The following FLG variants were observed in gnomAD, a reference collection of about 807,000 sequenced individuals.
The protein encoded by FLG is epidermal filaggrin.
Under a neutral mutation model 3.8 loss-of-function variants are expected in FLG, and 6 were observed. The observed-to-expected ratio is 1.60, with a 90% CI of 0.87 to 3.15. The LOEUF is 3.15. FLG is among the 30% of genes most tolerant of loss of function. The probability of loss-of-function intolerance (pLI) is 0.00; values close to 1 mark genes in which losing one functional copy is unlikely to be tolerated. For missense variants in FLG, 7,595 were observed against 5,050.9 expected (o/e 1.50, Z -15.27); for synonymous variants, 2,551 against 1,931.6 (o/e 1.32, Z -8.41).
rs755822219 is a variant in FLG, at chr1:152,311,834, C to G, written c.3052G>C (p.Ala1018Pro). The G allele has an allele frequency of 6.2e-7, 1 of 1,614,118 alleles. No homozygotes were observed. Among genetic ancestry groups the G allele is most frequent in the South Asian group, 1.1e-5 (1 of 91,072 alleles). ...CTTGCCTGTTCATGGGATGACGCAG[C>G]CTGTCCACCAGAGGAAGTCTCTGCG... is the stretch of plus-strand genomic sequence containing the variant. ...PHAETSSGGQ[A>P]ASSHEQARSS... Residue 1018 changes from alanine (A) to proline (P), a missense_variant, in exon 3 of 3, where the codon GCT (alanine) becomes CCT (proline). By Grantham distance (27) the Ala-to-Pro change is conservative. Transcript: ENST00000368799.
chr1:152,312,470 A>G lies in FLG; in HGVS notation c.2416T>C (p.Ser806Pro). 6.2e-7 allele frequency: 1 copy of G among 1,613,254 alleles called. No homozygotes were observed. The highest frequency in any genetic ancestry group is 8.5e-7 in the Non-Finnish European group (1 of 1,179,802). The change falls in exon 3 of 3, where the codon TCC becomes CCC. Residue 806 changes from serine to proline, a missense_variant. Transcript: ENST00000368799. The part of the protein sequence containing the change: ...QVSTHKQSES[S>P]HGWTGPSTGV... The stretch of plus-strand genomic sequence containing the variant: ...GTGCTGGGCCCTGTCCATCCATGGG[A>G]GGACTCAGACTGTTTATGAGTGCTC...
chr1:152,309,211 G>A lies in FLG; in HGVS notation c.5675C>T (p.Ala1892Val). ...CACCTGCGAGTGTCTAGAGCTGTCG[G>A]CCCGAGAGGAAGCTTCATGGTGACG... The part of the protein sequence containing the change: ...GSRHHEASSR[A>V]DSSRHSQVGQ... The change falls in exon 3 of 3, where the codon GCC (alanine) becomes GTC (valine). Residue 1892 changes from alanine to valine, a missense_variant. Coordinates refer to ENST00000368799, the MANE Select transcript of FLG (RefSeq NM_002016.2). 1 of 1,613,578 alleles carries A rather than the reference G, an allele frequency of 6.2e-7. No homozygotes were observed. Among genetic ancestry groups the A allele is most frequent in the Non-Finnish European group, 8.5e-7 (1 of 1,179,908 alleles).
Position 152,302,484 on chromosome 1 carries a change from T to C in FLG, c.*216A>G, listed in dbSNP as rs780375044. On this transcript the variant is annotated 3_prime_UTR_variant, in exon 3 of 3. Transcript: ENST00000368799. ...GTTTTCTAAAGTTAGCTCTCCATGA[T>C]ATTGATTTCTTCCATTTAATATTTC... The C allele has an allele frequency of 1.3e-5, 8 of 612,778 alleles. No individual in the cohort carries two copies. Among genetic ancestry groups the C allele is most frequent in the Non-Finnish European group, 2.2e-5 (8 of 361,634 alleles). 38.0% of individuals were successfully genotyped at this position (612,778 alleles called of 1,614,324 possible). A position where few individuals can be genotyped will look rare whatever the true frequency, so the allele number is the denominator to read the frequency against.
Position 152,314,612 on chromosome 1 carries a change from C to G in FLG, c.274G>C (p.Glu92Gln). The change falls in exon 3 of 3, where the codon GAG becomes CAG. Residue 92 changes from glutamate (E) to glutamine (Q), a missense_variant. Glu to Gln is a conservative substitution (Grantham distance 29). Transcript: ENST00000368799. ...TTGTGTCCTGATATCGGTAAATTCT[C>G]TTTTCTGGTAGACTCATAATATGCT... ...AQAYYESTRK[E>Q]NLPISGHKHR... 5 of 1,613,976 alleles carry G rather than the reference C, an allele frequency of 3.1e-6. No homozygotes were observed. Among genetic ancestry groups the G allele is most frequent in the Non-Finnish European group, 4.2e-6 (5 of 1,179,964 alleles).
rs754930940 is a variant in FLG, at chr1:152,314,541, C to A, written c.345G>T (p.Gln115His). Residue 115 changes from glutamine (Q) to histidine (H), a missense_variant, in exon 3 of 3, where the codon CAG (glutamine) becomes CAT (histidine). Transcript: ENST00000368799. ...SHHDKHEDNK[Q>H]EENKENRKRP... ...TTTTTCTGTTTTCTTTGTTTTCTTC[C>A]TGTTTATTATCTTCATGTTTATCAT... 6.2e-7 allele frequency: 1 copy of A among 1,613,008 alleles called. No homozygotes were observed. Among genetic ancestry groups the A allele is most frequent in the Non-Finnish European group, 8.5e-7 (1 of 1,179,852 alleles).
rs200963639 is a variant in FLG at position 152,307,241 on chromosome 1, C to T, written c.7645G>A (p.Val2549Met). 1.2e-6 allele frequency: 2 copies of T among 1,612,794 alleles called. No homozygotes were observed. Among genetic ancestry groups the T allele is most frequent in the African/African-American group, 1.4e-5 (1 of 73,914 alleles). ...SRADSSGHSQVGQGQSEGPRT... is the reference protein window; with the variant it reads ...SRADSSGHSQMGQGQSEGPRT... ...GGCCCCTCTGATTGTCCCTGGCCCA[C>T]CTGCGAGTGTCCAGAGCTGTCGGCC... is the stretch of plus-strand genomic sequence containing the variant. Residue 2549 changes from valine to methionine, a missense_variant, in exon 3 of 3, where the codon GTG becomes ATG. By Grantham distance (21) the Val-to-Met change is conservative (BLOSUM62 1). Coordinates refer to ENST00000368799, the MANE Select transcript of FLG (RefSeq NM_002016.2).
chr1:152,319,983 G>T (rs996342797), intron 1 of FLG, among the ~76,000 whole-genome samples: 11 of 151,250 alleles, frequency 7.3e-5, no homozygotes, highest in South Asian at 4.1e-4. Context: ...TCCCAGATAA[G>T]GCAGTGAGAA....
chr1:152,313,673 C>A lies in FLG; in HGVS notation c.1213G>T (p.Ala405Ser). 1 of 1,614,048 alleles carries A rather than the reference C, an allele frequency of 6.2e-7. No homozygotes were observed. Among genetic ancestry groups the A allele is most frequent in the Non-Finnish European group, 8.5e-7 (1 of 1,179,996 alleles). The change falls in exon 3 of 3, where the codon GCT becomes TCT. Residue 405 changes from alanine to serine, a missense_variant. Physicochemically the swap from Ala to Ser is moderately conservative, Grantham distance 99. Coordinates refer to ENST00000368799, the MANE Select transcript of FLG (RefSeq NM_002016.2). The part of the protein sequence containing the change: ...SRHSATGRGQ[A>S]SSAVSDRGHR... ...CCACGATCGCTGACTGCAGATGAAG[C>A]TTGCCCGCGCCCAGTGGCTGAGTGT...
Position 152,303,307 on chromosome 1 carries a change from C to G in FLG, c.11579G>C (p.Gly3860Ala). ...SAGSRRSRRQGSSVSQDSDSE... is the reference protein window; with the variant it reads ...SAGSRRSRRQASSVSQDSDSE... Reference sequence around the variant, plus strand: ...GTCACTGTCCTGGCTAACACTGGATCCCTGGCGCCTGCTTCTCCTGGACCC... The same window carrying G: ...GTCACTGTCCTGGCTAACACTGGATGCCTGGCGCCTGCTTCTCCTGGACCC... Residue 3860 changes from glycine to alanine, a missense_variant, in exon 3 of 3, where the codon GGA becomes GCA. Gly to Ala is a moderately conservative substitution (Grantham distance 60). Transcript: ENST00000368799. 1 of 1,614,102 alleles carries G rather than the reference C, an allele frequency of 6.2e-7. No individual in the cohort carries two copies.
In FLG at chr1:152,309,074, C is replaced by T. The variant is rs781083670; in HGVS notation, c.5812G>A (p.Ala1938Thr). The change falls in exon 3 of 3, where the codon GCT (alanine) becomes ACT (threonine). Residue 1938 changes from alanine to threonine, a missense_variant. Physicochemically the swap from Ala to Thr is moderately conservative, Grantham distance 58. Transcript: ENST00000368799. ...SEDSERWSGS[A>T]SRNHLGSAWE... ...GCAGATCCAAGATGGTTTCTGGAAGCAGACCCAGACCACCTCTCAGAGTCT... is the reference window on the plus strand; with the variant it reads ...GCAGATCCAAGATGGTTTCTGGAAGTAGACCCAGACCACCTCTCAGAGTCT... The T allele has an allele frequency of 9.3e-6, 15 of 1,614,066 alleles. No individual in the cohort carries two copies. Among genetic ancestry groups the T allele is most frequent in the African/African-American group, 1.3e-5 (1 of 74,940 alleles).
rs752145557 is a variant in FLG, at chr1:152,311,924, G to C, written c.2962C>G (p.His988Asp). ...CCGTGACCGGCTCTGTCTTCGTGATGGGACCTGGGGTGTCTGGAGCCATGT... is the reference window on the plus strand; with the variant it reads ...CCGTGACCGGCTCTGTCTTCGTGATCGGACCTGGGGTGTCTGGAGCCATGT... The part of the protein sequence containing the change: ...SRHGSRHPRS[H>D]HEDRAGHGHS... The change falls in exon 3 of 3, where the codon CAT (histidine) becomes GAT (aspartate). Residue 988 changes from histidine (H) to aspartate (D), a missense_variant. Transcript: ENST00000368799. 2 of 1,614,146 alleles carry C rather than the reference G, an allele frequency of 1.2e-6. No individual in the cohort carries two copies. Among genetic ancestry groups the C allele is most frequent in the Non-Finnish European group, 1.7e-6 (2 of 1,180,018 alleles).
Position 152,308,350 on chromosome 1 carries a change from G to T in FLG, c.6536C>A (p.Ala2179Asp). Residue 2179 changes from alanine (A) to aspartate (D), a missense_variant, in exon 3 of 3, where the codon GCC (alanine) becomes GAC (aspartate). Transcript: ENST00000368799. The stretch of plus-strand genomic sequence containing the variant: ...TCTGGATCCTGACTGCCCACGGGAG[G>T]CATCAGACCTTCCCTGGGATGTGGT... ...SHTTSQGRSD[A>D]SRGQSGSRSA... 2 of 1,613,462 alleles carry T rather than the reference G, an allele frequency of 1.2e-6. No homozygotes were observed. The highest frequency in any genetic ancestry group is 1.1e-5 in the South Asian group (1 of 91,040).
rs776936174 is a variant in FLG, at chr1:152,313,682, G to A, written c.1204C>T (p.Arg402Cys). 5.6e-6 allele frequency: 9 copies of A among 1,613,766 alleles called. No individual in the cohort carries two copies. The highest frequency in any genetic ancestry group is 2.2e-5 in the East Asian group (1 of 44,840). ...ADSSRHSATG[R>C]GQASSAVSDR... ...CTGACTGCAGATGAAGCTTGCCCGC[G>A]CCCAGTGGCTGAGTGTCTGGAGCTG... Residue 402 changes from arginine to cysteine, a missense_variant, in exon 3 of 3, where the codon CGC becomes TGC. By Grantham distance (180) the Arg-to-Cys change is radical (BLOSUM62 -3). Transcript: ENST00000368799.
rs144122917 is a variant in FLG at position 152,307,524 on chromosome 1, C to A, written c.7362G>T (p.Thr2454=). ...KQARDSSRHS[T]SQEGQDTIHG... ...GAATGGTGTCCTGACCCTCTTGGGA[C>A]GTTGAGTGCCTGGAGCTGTCTCGTG... The change falls in exon 3 of 3, where the codon ACG becomes ACT. Residue 2454 remains threonine (T), a synonymous_variant. Transcript: ENST00000368799. 2.9e-5 allele frequency: 46 copies of A among 1,612,980 alleles called. No homozygotes were observed. Among genetic ancestry groups the A allele is most frequent in the Admixed American group, 1.8e-4 (11 of 59,850 alleles).
In FLG at chr1:152,303,103, T is replaced by G. The variant is rs202149956; in HGVS notation, c.11783A>C (p.His3928Pro). The G allele has an allele frequency of 1.9e-5, 30 of 1,614,072 alleles. 1 individual carries two copies. Among genetic ancestry groups the G allele is most frequent in the Admixed American group, 1.0e-4 (6 of 60,002 alleles). The change falls in exon 3 of 3, where the codon CAT becomes CCT. Residue 3928 changes from histidine (H) to proline (P), a missense_variant. Physicochemically the swap from His to Pro is moderately conservative, Grantham distance 77 (BLOSUM62 -2). Coordinates refer to ENST00000368799, the MANE Select transcript of FLG (RefSeq NM_002016.2). ...VQSDSSTAKE[H>P]GHFSSLSQDS... ...TTGTGAAAGACTACTAAAGTGACCA[T>G]GTTCCTTAGCGGTACTAGAGTCTGA...
At position 152,303,654 on chromosome 1, in the gene FLG, G is replaced by A. The variant is rs757252459; in HGVS notation, c.11232C>T (p.Asp3744=). ...CTTGGGACGCTGAGTGCCTGGAGCT[G>A]TCTCGTGCCTGCTCGTGGCGGGATC... ...RQGSRHEQAR[D]SSRHSASQEG... Residue 3744 remains aspartate, a synonymous_variant, in exon 3 of 3, where the codon GAC becomes GAT. Transcript: ENST00000368799. 1 of 1,614,006 alleles carries A rather than the reference G, an allele frequency of 6.2e-7. No individual in the cohort carries two copies. The highest frequency in any genetic ancestry group is 1.7e-5 in the Admixed American group (1 of 59,964).
Position 152,314,249 on chromosome 1 carries a change from C to T in FLG, c.637G>A (p.Gly213Arg), listed in dbSNP as rs765667036. Residue 213 changes from glycine to arginine, a missense_variant, in exon 3 of 3, where the codon GGA (glycine) becomes AGA (arginine). Gly to Arg is a moderately radical substitution (Grantham distance 125). Coordinates refer to ENST00000368799, the MANE Select transcript of FLG (RefSeq NM_002016.2). The stretch of plus-strand genomic sequence containing the variant: ...CCTGTATTTTCATAATCATATACTC[C>T]TTCTTCATTGTCTTCTTTCTCTTCA... Reference protein sequence around the residue: ...RLEEKEDNEEGVYDYENTGRM... With the variant: ...RLEEKEDNEERVYDYENTGRM... The T allele has an allele frequency of 6.2e-7, 1 of 1,613,280 alleles. No individual in the cohort carries two copies. Among genetic ancestry groups the T allele is most frequent in the African/African-American group, 1.3e-5 (1 of 74,838 alleles).
At position 152,304,271 on chromosome 1, in the gene FLG, C is replaced by A. The variant is rs774443193; in HGVS notation, c.10615G>T (p.Val3539Phe). The change falls in exon 3 of 3, where the codon GTT (valine) becomes TTT (phenylalanine). Residue 3539 changes from valine to phenylalanine, a missense_variant. Physicochemically the swap from Val to Phe is conservative, Grantham distance 50 (BLOSUM62 -1). Coordinates refer to ENST00000368799, the MANE Select transcript of FLG (RefSeq NM_002016.2). ...PRTSRNQGSS[V>F]SQDSDSQGHS... Reference sequence around the variant, plus strand: ...CCCTGACTGTCACTGTCCTGGCTAACACTGGATCCCTGGTTCCTGCTTGTC... The same window carrying A: ...CCCTGACTGTCACTGTCCTGGCTAAAACTGGATCCCTGGTTCCTGCTTGTC... 5 of 1,613,254 alleles carry A rather than the reference C, an allele frequency of 3.1e-6. No individual in the cohort carries two copies. Among genetic ancestry groups the A allele is most frequent in the East Asian group, 2.2e-5 (1 of 44,744 alleles).
rs774129089 is a variant in FLG at position 152,303,640 on chromosome 1, G to C, written c.11246C>G (p.Ser3749Ter). 9 of 1,613,862 alleles carry C rather than the reference G, an allele frequency of 5.6e-6. No homozygotes were observed. In the African/African-American group the frequency reaches 9.3e-5, roughly 17 times the overall value. Residue 3749 changes from serine (S) to a stop codon, truncating the protein, a stop_gained, in exon 3 of 3, where the codon TCA (serine) becomes TGA (stop). Coordinates refer to ENST00000368799, the MANE Select transcript of FLG (RefSeq NM_002016.2). LOFTEE classifies it low-confidence loss of function (END_TRUNC). ...GGTGTCCTGACCCTCTTGGGACGCT[G>C]AGTGCCTGGAGCTGTCTCGTGCCTG... ...HEQARDSSRH[S>*]ASQEGQDTIR... is the part of the protein sequence containing the mutation.
Sources: allele counts gnomAD v4.1 joint callset (sites outside exome capture counted in the v4.1 genomes callset), GRCh38; gene constraint gnomAD v4.1.1; transcripts MANE v1.5; gene names NCBI Gene and HGNC (gene_info 2026-07-23, HGNC 2026-07-21).